The following ELK3 variants were observed in gnomAD, a reference collection of about 807,000 sequenced individuals.
The protein encoded by ELK3 is ETS transcription factor ELK3, also known as ETS domain-containing protein Elk-3.
In ELK3, 10 loss-of-function variants were observed where a neutral mutation model predicts 28.9. That is an observed-to-expected ratio of 0.35 (90% CI 0.21 to 0.59). ELK3 has a LOEUF of 0.59. ELK3 is among the 20% of genes least tolerant of loss of function. ELK3 has a pLI of 0.82. For missense variants in ELK3, 463 were observed against 517.3 expected (o/e 0.90, Z 1.02); for synonymous variants, 272 against 243.5 (o/e 1.12, Z -1.09).
At chr12:96,244,366 C>A (rs1951842147) in intron 2 of ELK3, among the ~76,000 whole-genome samples, 2 of 152,064 alleles carry the variant, frequency 1.3e-5, no homozygotes, top group Admixed American at 6.5e-5. Context: ...ATTTTTATCA[C>A]AGCCCTTGGT....
At chr12:96,228,249 C>T in intron 2 of ELK3, among the ~76,000 whole-genome samples, 1 of 137,782 alleles carries the variant, frequency 7.3e-6, no homozygotes, top group East Asian at 3.1e-4. Context: ...GAAACCCCGT[C>T]TCTACTAAAA....
At chr12:96,239,877 A>C (rs1951808143) in intron 2 of ELK3, among the ~76,000 whole-genome samples, 1 of 152,238 alleles carries the variant, frequency 6.6e-6, no homozygotes, top group Non-Finnish European at 1.5e-5. Flanking sequence ...GTGCCTGGTT[A>C]GTGTCTGCAC....
rs1200312196 is a variant in ELK3 at position 96,267,274 on chromosome 12, ACT to A, written c.*97_*98del. On this transcript the variant is annotated 3_prime_UTR_variant, in exon 5 of 5. Coordinates refer to ENST00000228741, the MANE Select transcript of ELK3 (RefSeq NM_005230.4). ...TGTGTCGTGAGAAGGACATTGTGAA[ACT>A]CTTGTTAATTTGGTTTGCACTTTTC... is the stretch of plus-strand genomic sequence containing the variant. 2.8e-6 allele frequency: 3 copies of A among 1,057,252 alleles called. No homozygotes were observed. Among genetic ancestry groups the A allele is most frequent in the Admixed American group, 5.7e-5 (2 of 35,132 alleles). The allele number at this position is 1,057,252 out of a possible 1,614,324, so 65.5% of individuals were successfully genotyped here.
At chr12:96,248,070 G>A (rs4608180) in intron 3 of ELK3, among the ~76,000 whole-genome samples, 128,696 of 152,152 alleles carry the variant, frequency 0.85, 54,473 homozygotes, top group Non-Finnish European at 0.86. Flanking sequence ...TTTACATTTC[G>A]GGAGGCGCTT....
At chr12:96,209,097 A>G (rs1951558949) in intron 1 of ELK3, among the ~76,000 whole-genome samples, 1 of 152,248 alleles carries the variant, frequency 6.6e-6, no homozygotes, top group South Asian at 2.1e-4. Flanking sequence ...GCCGTGGTGC[A>G]GCGTGTGTGC....
intron 2 of ELK3, among the ~76,000 whole-genome samples, chr12:96,240,585 G>C (rs1725704150): frequency 6.6e-6 from 1 of 152,160 alleles, no homozygotes; most frequent in South Asian, 2.1e-4. Flanking sequence ...TATTGGAAAG[G>C]TCCCCTGCTC....
At chr12:96,246,497 A>G (rs1951856309) in intron 2 of ELK3, among the ~76,000 whole-genome samples, 1 of 152,206 alleles carries the variant, frequency 6.6e-6, no homozygotes, top group East Asian at 1.9e-4. Context: ...TCCACAAAAA[A>G]TAAAAATGTA....
chr12:96,245,653 T>C (rs945302241), intron 2 of ELK3, among the ~76,000 whole-genome samples: 2 of 152,188 alleles, frequency 1.3e-5, no homozygotes, highest in African/African-American at 2.4e-5. Flanking sequence ...TGCTGGGTTT[T>C]TGTGCTTGAG....
intron 1 of ELK3, chr12:96,222,812 T>G (rs996280191): frequency 1.3e-5 from 2 of 152,478 alleles, no homozygotes; most frequent in African/African-American, 4.8e-5. Context: ...GAAAAGCGGT[T>G]TAATGGGCTC....
At chr12:96,196,257 G>C (rs1291062167) in intron 1 of ELK3, among the ~76,000 whole-genome samples, 1 of 152,154 alleles carries the variant, frequency 6.6e-6, no homozygotes, top group Non-Finnish European at 1.5e-5. Flanking sequence ...GCCGCCCAAC[G>C]AGCCTTTTCA....
chr12:96,240,889 C>T (rs908371888), intron 2 of ELK3, among the ~76,000 whole-genome samples: 1 of 152,140 alleles, frequency 6.6e-6, no homozygotes, highest in African/African-American at 2.4e-5. Flanking sequence ...AGATGCATAA[C>T]CTTGGATCAA....
chr12:96,196,978 A>G (rs903978855), intron 1 of ELK3, among the ~76,000 whole-genome samples: 4 of 152,268 alleles, frequency 2.6e-5, no homozygotes, highest in African/African-American at 7.2e-5. Context: ...CCCTAATGCT[A>G]TGCCTTCACA....
chr12:96,227,626 G>A (rs183703989), intron 2 of ELK3, among the ~76,000 whole-genome samples: 2 of 152,290 alleles, frequency 1.3e-5, no homozygotes, highest in East Asian at 3.9e-4. Context: ...GGCCCCGGAG[G>A]AGGGTCATCT....
intron 2 of ELK3, among the ~76,000 whole-genome samples, chr12:96,230,543 G>A (rs1951733469): frequency 6.6e-6 from 1 of 152,192 alleles, no homozygotes. Context: ...TGACAGGTGT[G>A]ACACTAGAAT....
At chr12:96,218,702 G>A (rs1257284410) in intron 1 of ELK3, among the ~76,000 whole-genome samples, 3 of 147,676 alleles carry the variant, frequency 2.0e-5, no homozygotes, top group Non-Finnish European at 3.0e-5. Flanking sequence ...AGGCTGGAGT[G>A]TAGTGGCGCG....
chr12:96,224,101 A>G (rs1951682548), intron 2 of ELK3: 1 of 273,650 alleles, frequency 3.7e-6, no homozygotes, highest in South Asian at 5.5e-5. Context: ...AATGCGTGTT[A>G]AAATCCGGAA....
At chr12:96,249,197 C>T (rs1208141405) in intron 3 of ELK3, among the ~76,000 whole-genome samples, 1 of 152,168 alleles carries the variant, frequency 6.6e-6, no homozygotes, top group African/African-American at 2.4e-5. Flanking sequence ...GTGTCTGCCT[C>T]CAGAATCCAT....
At chr12:96,214,455 C>CAA (rs113949362) in intron 1 of ELK3, among the ~76,000 whole-genome samples, 2 of 139,388 alleles carry the variant, frequency 1.4e-5, no homozygotes, top group African/African-American at 5.3e-5. Flanking sequence ...AACAAACAAA[C>CAA]AAAAAAAAAA....
At chr12:96,248,685 G>A (rs974518887) in intron 3 of ELK3, among the ~76,000 whole-genome samples, 11 of 152,118 alleles carry the variant, frequency 7.2e-5, no homozygotes, top group African/African-American at 2.2e-4. Context: ...AGCTGCACCC[G>A]TCCCCTGCCT....
Sources: gnomAD v4.1 joint callset for allele counts (sites outside exome capture counted in the v4.1 genomes callset) on GRCh38, gnomAD v4.1.1 for gene constraint, MANE v1.5 for transcripts, NCBI Gene and HGNC (gene_info 2026-07-23, HGNC 2026-07-21) for gene names.